The following PTPRN2 variants were observed in gnomAD, a reference collection of about 807,000 sequenced individuals.
PTPRN2 encodes the protein protein tyrosine phosphatase receptor type N2, also known as receptor-type tyrosine-protein phosphatase N2.
In PTPRN2, 74 loss-of-function variants were observed where a neutral mutation model predicts 118.8. The ratio of observed to expected loss-of-function variants is 0.62; its 90% CI spans 0.52 to 0.76. The LOEUF (loss-of-function observed/expected upper bound fraction) is 0.76. Among genes scored for constraint, PTPRN2 ranks in the 30% least tolerant of loss-of-function variants. The pLI is 0.00. For missense variants in PTPRN2, 1,481 were observed against 1,394.4 expected (o/e 1.06, Z -0.99); for synonymous variants, 641 against 608.0 (o/e 1.05, Z -0.80).
At chr7:158,020,750 AG>A (rs1239660837) in intron 11 of PTPRN2, among the ~76,000 whole-genome samples, 4 of 152,202 alleles carry the variant, frequency 2.6e-5, no homozygotes, top group African/African-American at 9.6e-5. Context: ...GAAAGACAAA[AG>A]TAGGGATCCT....
intron 1 of PTPRN2, among the ~76,000 whole-genome samples, chr7:158,533,598 C>A (rs1299687680): frequency 6.6e-6 from 1 of 152,174 alleles, no homozygotes; most frequent in Admixed American, 6.5e-5. Context: ...CCAGAGGGGA[C>A]GTCCCGCAGA....
At chr7:158,354,009 G>C (rs1007174143) in intron 2 of PTPRN2, among the ~76,000 whole-genome samples, 1 of 152,160 alleles carries the variant, frequency 6.6e-6, no homozygotes, top group Non-Finnish European at 1.5e-5. Flanking sequence ...GTGGCCACTC[G>C]CAGCCCCACG....
intron 2 of PTPRN2, among the ~76,000 whole-genome samples, chr7:158,351,430 T>TCG (rs1277957501): frequency 6.6e-6 from 1 of 152,188 alleles, no homozygotes; most frequent in Non-Finnish European, 1.5e-5. Flanking sequence ...CTGGGGCGAC[T>TCG]CGTACACTGT....
At chr7:157,667,699 C>G (rs940709057) in intron 13 of PTPRN2, among the ~76,000 whole-genome samples, 5 of 152,254 alleles carry the variant, frequency 3.3e-5, no homozygotes, top group Non-Finnish European at 5.9e-5. Flanking sequence ...TGGAAATGCT[C>G]CACCGCAAAA....
intron 5 of PTPRN2, among the ~76,000 whole-genome samples, chr7:158,171,242 C>CT (rs1823596242): frequency 7.6e-6 from 1 of 132,094 alleles, no homozygotes; most frequent in Non-Finnish European, 1.5e-5. Context: ...TATATATACA[C>CT]ATATATACAC....
chr7:158,092,897 C>T (rs971985402), intron 10 of PTPRN2, among the ~76,000 whole-genome samples: 1 of 152,176 alleles, frequency 6.6e-6, no homozygotes, highest in African/African-American at 2.4e-5. Flanking sequence ...AGAGAGCACG[C>T]TGCTGTGGTG....
chr7:158,580,544 CT>C (rs1828572196), intron 1 of PTPRN2, among the ~76,000 whole-genome samples: 1 of 152,198 alleles, frequency 6.6e-6, no homozygotes, highest in African/African-American at 2.4e-5. Flanking sequence ...AAATTCTACA[CT>C]TTCCTTCCAC....
intron 12 of PTPRN2, among the ~76,000 whole-genome samples, chr7:157,894,679 A>G (rs1193025886): frequency 6.6e-6 from 1 of 151,938 alleles, no homozygotes; most frequent in African/African-American, 2.4e-5. Flanking sequence ...GAGTTCCTAT[A>G]GTCACACGAG....
At position 157,763,545 on chromosome 7, in the gene PTPRN2, T is replaced by C. The variant is rs1478205759; in HGVS notation, c.1789-80608A>G. 6.6e-6 allele frequency among the ~76,000 whole-genome samples: 1 copy of C among 152,010 alleles called. No individual in the cohort carries two copies. The highest frequency in any genetic ancestry group is 1.5e-5 in the Non-Finnish European group (1 of 68,008). On this transcript the variant is annotated intron_variant, in intron 12 of 22. Transcript: ENST00000389418. The surrounding 1 kb of genome is among the most constrained non-coding windows in gnomAD (Gnocchi z 4.9). ...CCCCAGGGGAGCTGCACACTGAGCC[T>C]CCACCTCCTTTTCAGAGTTGGGAGC... is the stretch of plus-strand genomic sequence containing the variant.
At chr7:158,182,348 T>C (rs1824786029) in intron 5 of PTPRN2, among the ~76,000 whole-genome samples, 1 of 152,164 alleles carries the variant, frequency 6.6e-6, no homozygotes, top group African/African-American at 2.4e-5. Flanking sequence ...TCTTTTTTTG[T>C]TTCATTACTT....
intron 14 of PTPRN2, among the ~76,000 whole-genome samples, chr7:157,654,609 G>A (rs2150734774): frequency 6.6e-6 from 1 of 152,342 alleles, no homozygotes; most frequent in East Asian, 1.9e-4. Context: ...CCAACAGGGT[G>A]TCTGGAGTCA....
intron 12 of PTPRN2, among the ~76,000 whole-genome samples, chr7:157,820,696 G>T (rs1171351011): frequency 6.6e-6 from 1 of 152,182 alleles, no homozygotes; most frequent in Non-Finnish European, 1.5e-5. Flanking sequence ...AAGCCAAGGG[G>T]GAGTGATCTG....
chr7:158,157,707 G>C (rs552097252), intron 6 of PTPRN2, among the ~76,000 whole-genome samples: 1 of 152,326 alleles, frequency 6.6e-6, no homozygotes, highest in East Asian at 1.9e-4. Context: ...TCAAGGTGCA[G>C]TGAGACGAAC....
chr7:157,696,027 C>T (rs2150848259), intron 12 of PTPRN2, among the ~76,000 whole-genome samples: 1 of 146,624 alleles, frequency 6.8e-6, no homozygotes, highest in Admixed American at 6.7e-5. Flanking sequence ...TGGCAGAGCC[C>T]TCACCATCTA....
At chr7:158,159,384 T>C (rs1822157482) in intron 6 of PTPRN2, among the ~76,000 whole-genome samples, 1 of 152,218 alleles carries the variant, frequency 6.6e-6, no homozygotes, top group African/African-American at 2.4e-5. Context: ...AGACCCGTGA[T>C]TACCTTGGCC....
intron 12 of PTPRN2, among the ~76,000 whole-genome samples, chr7:157,777,224 A>G (rs1373147597): frequency 6.6e-6 from 1 of 152,258 alleles, no homozygotes; most frequent in East Asian, 1.9e-4. Context: ...CAGATCCACA[A>G]ATTCTTGTTA....
chr7:158,050,386 A>G (rs942858873), intron 11 of PTPRN2, among the ~76,000 whole-genome samples: 1 of 152,172 alleles, frequency 6.6e-6, no homozygotes. Flanking sequence ...TGTCCTCCAG[A>G]TTTACCAGTG....
intron 15 of PTPRN2, among the ~76,000 whole-genome samples, chr7:157,613,599 C>G (rs1802536034): frequency 6.6e-6 from 1 of 152,202 alleles, no homozygotes; most frequent in Admixed American, 6.5e-5. Context: ...GGGCCTCTTC[C>G]CGCGGGAGGA....
Position 157,671,178 on chromosome 7 carries a change from A to T in PTPRN2, c.2001+11547T>A, listed in dbSNP as rs1449577909. On this transcript the variant is annotated intron_variant, in intron 13 of 22. Transcript: ENST00000389418. This position sits in a 1 kb window ranked among gnomAD's most constrained non-coding sequence, Gnocchi z 4.1. ...TAGTTCAATGTATCGATTCATTCTT[A>T]TCGAGCATGTAAAGGTCCCCGGTGG... Among the ~76,000 whole-genome samples, 2 of 149,978 alleles carry T rather than the reference A, an allele frequency of 1.3e-5. No individual in the cohort carries two copies. The highest frequency in any genetic ancestry group is 3.0e-5 in the Non-Finnish European group (2 of 67,582).
Sources: allele counts gnomAD v4.1 joint callset (sites outside exome capture counted in the v4.1 genomes callset), GRCh38; gene constraint gnomAD v4.1.1; non-coding constraint Gnocchi (gnomAD v3.1); transcripts MANE v1.5; gene names NCBI Gene and HGNC (gene_info 2026-07-23, HGNC 2026-07-21).